The following OR6C2 variants were observed in gnomAD, a reference collection of about 807,000 sequenced individuals.
OR6C2 encodes the protein olfactory receptor family 6 subfamily C member 2, also known as olfactory receptor 6C2.
For synonymous variants in OR6C2, 146 were observed against 134.2 expected, an observed-to-expected ratio of 1.09 and a Z score of -0.61; for missense variants, 435 against 365.8, an observed-to-expected ratio of 1.19 and a Z score of -1.54.
In OR6C2 at chr12:55,452,342, T is replaced by A. The variant is rs1244315921; in HGVS notation, c.129T>A (p.Ile43=). 6.2e-7 allele frequency: 1 copy of A among 1,613,702 alleles called. No homozygotes were observed. The highest frequency in any genetic ancestry group is 1.3e-5 in the African/African-American group (1 of 75,028). The change falls in exon 2 of 2, where the codon ATT becomes ATA. Residue 43 remains isoleucine, a synonymous_variant. Coordinates refer to ENST00000641202, the MANE Select transcript of OR6C2 (RefSeq NM_054105.2). Reference sequence around the variant, plus strand: ...TGAGTGTAACAGGGAACCTGACTATTATCACCCTCACATTGGTGGACCACC... The same window carrying A: ...TGAGTGTAACAGGGAACCTGACTATAATCACCCTCACATTGGTGGACCACC... ...YMLSVTGNLT[I]ITLTLVDHHL... is the part of the protein sequence containing the mutation.
At chr12:55,448,655 A>AAAAAAAAAAAAAAAG (rs1555179349) in intron 1 of OR6C2, among the ~76,000 whole-genome samples, 2 of 147,326 alleles carry the variant, frequency 1.4e-5, no homozygotes, top group African/African-American at 5.0e-5. Flanking sequence ...AAAAAAAAAA[A>AAAAAAAAAAAAAAAG]AAAAGAAAGA....
rs748163893 is a variant in OR6C2 at position 55,452,663 on chromosome 12, C to G, written c.450C>G (p.Gly150=). ...TAGTTCTCTGCTGTTGGGTGGCTGG[C>G]TTGATGATCATTGTTCCACCACTTA... ...TLLVLCCWVA[G]LMIIVPPLSL... The change falls in exon 2 of 2, where the codon GGC becomes GGG. Residue 150 remains glycine (G), a synonymous_variant. Transcript: ENST00000641202. 6.2e-7 allele frequency: 1 copy of G among 1,613,742 alleles called. No individual in the cohort carries two copies. The highest frequency in any genetic ancestry group is 8.5e-7 in the Non-Finnish European group (1 of 1,179,818).
At chr12:55,448,589 C>T (rs1177357822) in intron 1 of OR6C2, among the ~76,000 whole-genome samples, 3 of 125,320 alleles carry the variant, frequency 2.4e-5, no homozygotes, top group African/African-American at 8.9e-5. Flanking sequence ...TAAAACTAAA[C>T]TTTTCCTACC....
At chr12:55,446,373 G>A (rs1871362440) in intron 1 of OR6C2, among the ~76,000 whole-genome samples, 1 of 151,118 alleles carries the variant, frequency 6.6e-6, no homozygotes, top group African/African-American at 2.4e-5. Context: ...GGTCTTGAAT[G>A]CCCGCCTTGG....
chr12:55,451,051 GC>G (rs1370553838), intron 1 of OR6C2, among the ~76,000 whole-genome samples: 3 of 127,398 alleles, frequency 2.4e-5, no homozygotes, highest in Non-Finnish European at 5.2e-5. Context: ...TGCGTACATA[GC>G]AAATGTATGT....
chr12:55,444,759 A>G (rs1592296250), intron 1 of OR6C2, among the ~76,000 whole-genome samples: 1 of 152,214 alleles, frequency 6.6e-6, no homozygotes, highest in East Asian at 1.9e-4. Context: ...ATTCTCAGTT[A>G]CTTCATAGTT....
intron 1 of OR6C2, among the ~76,000 whole-genome samples, chr12:55,445,237 T>A (rs183490981): frequency 1.2e-3 from 185 of 152,344 alleles, no homozygotes; most frequent in Admixed American, 2.7e-3. Context: ...ACCATCTCTC[T>A]TAACAGATTT....
At chr12:55,446,765 A>G (rs1871370083) in intron 1 of OR6C2, among the ~76,000 whole-genome samples, 1 of 152,284 alleles carries the variant, frequency 6.6e-6, no homozygotes, top group South Asian at 2.1e-4. Flanking sequence ...AGAGGAAGAT[A>G]TATTCACTCT....
chr12:55,444,934 T>G (rs11171462), intron 1 of OR6C2, among the ~76,000 whole-genome samples: 61,767 of 151,942 alleles, frequency 0.41, 13,056 homozygotes, highest in East Asian at 0.59. Context: ...TCAAAAATGG[T>G]ATTTGCATGA....
At chr12:55,448,490 A>G (rs1466541685) in intron 1 of OR6C2, among the ~76,000 whole-genome samples, 1 of 149,714 alleles carries the variant, frequency 6.7e-6, no homozygotes, top group African/African-American at 2.4e-5. Context: ...GAGAATTCCA[A>G]CATAGCAAAG....
At chr12:55,449,640 G>A (rs2120682279) in intron 1 of OR6C2, among the ~76,000 whole-genome samples, 1 of 151,572 alleles carries the variant, frequency 6.6e-6, no homozygotes, top group African/African-American at 2.4e-5. Flanking sequence ...GGTGGTTTTG[G>A]CCTTTAAAAA....
At chr12:55,447,893 A>AT (rs1173724610) in intron 1 of OR6C2, among the ~76,000 whole-genome samples, 1 of 152,050 alleles carries the variant, frequency 6.6e-6, no homozygotes, top group Non-Finnish European at 1.5e-5. Flanking sequence ...TATATTTTAA[A>AT]TTTTTTGAGG....
chr12:55,448,643 C>A (rs536367065), intron 1 of OR6C2, among the ~76,000 whole-genome samples: 223 of 71,568 alleles, frequency 3.1e-3, no homozygotes, highest in Admixed American at 5.1e-3. Context: ...CCATTCACTG[C>A]AAAAAAAAAA....
chr12:55,445,666 C>T lies in OR6C2; in HGVS notation c.-888+1507C>T, dbSNP rs147753678. Among the ~76,000 whole-genome samples the T allele has an allele frequency of 1.1e-4, 17 of 152,180 alleles. No individual in the cohort carries two copies. The East Asian group carries it at 3.3e-3, about 29-fold the overall frequency. On this transcript the variant is annotated intron_variant, in intron 1 of 1. Transcript: ENST00000641202. ...TCATAATGGTCAGAGATGACATGAA[C>T]AAAATAAGACCCATAATGCAAATTA...
At chr12:55,451,258 A>G (rs993995206) in intron 1 of OR6C2, 69 bp from the exon 2 acceptor site, 2 of 151,960 alleles carry the variant, frequency 1.3e-5, no homozygotes, top group Non-Finnish European at 2.9e-5. Context: ...AATAGTAATT[A>G]TCCTTTCTAT....
intron 1 of OR6C2, among the ~76,000 whole-genome samples, chr12:55,448,515 T>C (rs978907109): frequency 1.4e-5 from 2 of 146,862 alleles, no homozygotes; most frequent in East Asian, 2.0e-4. Context: ...TTAACCATGA[T>C]TACCCCTCCT....
At chr12:55,445,040 C>T (rs1021475931) in intron 1 of OR6C2, among the ~76,000 whole-genome samples, 23 of 152,058 alleles carry the variant, frequency 1.5e-4, no homozygotes, top group Non-Finnish European at 2.9e-4. Flanking sequence ...GTGAGAGTTT[C>T]GCAAAGAGAC....
At chr12:55,449,935 T>C (rs1002080040) in intron 1 of OR6C2, among the ~76,000 whole-genome samples, 1 of 151,822 alleles carries the variant, frequency 6.6e-6, no homozygotes, top group Non-Finnish European at 1.5e-5. Flanking sequence ...TGTCTAAGAA[T>C]GTACTAAAAA....
chr12:55,453,203 A>G lies in OR6C2; in HGVS notation c.*51A>G. ...GAATGAAGAAGGCTCCCTAAATGTC[A>G]TCCTACAGCTTTTAACTTATTTCAT... is the stretch of plus-strand genomic sequence containing the variant. On this transcript the variant is annotated 3_prime_UTR_variant, in exon 2 of 2. Coordinates refer to ENST00000641202, the MANE Select transcript of OR6C2 (RefSeq NM_054105.2). 7.6e-7 allele frequency: 1 copy of G among 1,317,244 alleles called. No homozygotes were observed. Among genetic ancestry groups the G allele is most frequent in the African/African-American group, 1.5e-5 (1 of 67,574 alleles). The allele number at this position is 1,317,244 out of a possible 1,614,324, so 81.6% of individuals were successfully genotyped here. A position where few individuals can be genotyped will look rare whatever the true frequency, so the allele number is the denominator to read the frequency against.
Sources: gnomAD v4.1 joint callset for allele counts (sites outside exome capture counted in the v4.1 genomes callset) on GRCh38, gnomAD v4.1.1 for gene constraint, MANE v1.5 for transcripts, NCBI Gene and HGNC (gene_info 2026-07-23, HGNC 2026-07-21) for gene names.